Variants in TMEM275 observed in about 807,000 individuals in gnomAD.
TMEM275 encodes the protein transmembrane protein 275.
At chr1:46,532,235 T>G (rs1666676404) in exon 2 of TMEM275, 1 of 152,170 alleles carries the variant, frequency 6.6e-6, no homozygotes. Flanking sequence ...TCAGGGTGGG[T>G]GGGGGCCAGC....
In TMEM275 at chr1:46,533,455, C is replaced by G. The variant is rs1204575570; in HGVS notation, c.73G>C (p.Gly25Arg). Residue 25 changes from glycine to arginine, a missense_variant, in exon 2 of 2, where the codon GGC becomes CGC. Coordinates refer to ENST00000634804, the Ensembl canonical transcript of TMEM275. The surrounding 1 kb of genome is among the most constrained non-coding windows in gnomAD (Gnocchi z 4.4). The stretch of plus-strand genomic sequence containing the variant: ...CAGCACAGCGCCGGCGACGGCAGGC[C>G]GGGCACCCGGCCCCGGGCGCGTTCC... 5 of 385,230 alleles carry G rather than the reference C, an allele frequency of 1.3e-5. No homozygotes were observed. Among genetic ancestry groups the G allele is most frequent in the Non-Finnish European group, 2.3e-5 (5 of 217,466 alleles). 23.9% of individuals were successfully genotyped at this position (385,230 alleles called of 1,614,324 possible).
At chr1:46,535,183 G>C (rs1251337725) in intron 1 of TMEM275, among the ~76,000 whole-genome samples, 1 of 152,204 alleles carries the variant, frequency 6.6e-6, no homozygotes, top group African/African-American at 2.4e-5. Flanking sequence ...ATGAAGGCTA[G>C]TGTCAGATCC....
rs1236795061 is a variant in TMEM275, at chr1:46,533,682, C to T, written c.-123-32G>A. 2 of 368,586 alleles carry T rather than the reference C, an allele frequency of 5.4e-6. No individual in the cohort carries two copies. The highest frequency in any genetic ancestry group is 4.2e-5 in the African/African-American group (2 of 47,344). The allele number at this position is 368,586 out of a possible 1,614,324, so 22.8% of individuals were successfully genotyped here. On this transcript the variant is annotated intron_variant, in intron 1 of 1. Coordinates refer to ENST00000634804, the Ensembl canonical transcript of TMEM275. This position sits in a 1 kb window ranked among gnomAD's most constrained non-coding sequence, Gnocchi z 4.4. ...GCACACAGCAAGAGGGCGGCGTCAGCAGGGTATCTTGACCTCCAGTCCTAG... is the reference window on the plus strand; with the variant it reads ...GCACACAGCAAGAGGGCGGCGTCAGTAGGGTATCTTGACCTCCAGTCCTAG...
At chr1:46,535,184 T>C (rs149065221) in intron 1 of TMEM275, among the ~76,000 whole-genome samples, 2 of 152,268 alleles carry the variant, frequency 1.3e-5, no homozygotes, top group African/African-American at 4.8e-5. Context: ...TGAAGGCTAG[T>C]GTCAGATCCT....
chr1:46,532,320 C>T, exon 2 of TMEM275: 1 of 152,420 alleles, frequency 6.6e-6, no homozygotes, highest in Non-Finnish European at 1.5e-5. Context: ...CTGTCAGGGC[C>T]CCAGTCTCAG....
chr1:46,533,333 C>T lies in TMEM275; in HGVS notation c.195G>A (p.Val65=). The change falls in exon 2 of 2, where the codon GTG becomes GTA. Residue 65 remains valine (V), a synonymous_variant. Coordinates refer to ENST00000634804, the Ensembl canonical transcript of TMEM275. This position sits in a 1 kb window ranked among gnomAD's most constrained non-coding sequence, Gnocchi z 4.4. ...GCGCCAGCACCAGCAGCGCCAGCCC[C>T]ACGACGAGCAGCGCGTTGTGCTCGG... is the stretch of plus-strand genomic sequence containing the variant. 5.3e-6 allele frequency: 2 copies of T among 373,848 alleles called. No individual in the cohort carries two copies. Among genetic ancestry groups the T allele is most frequent in the Non-Finnish European group, 9.5e-6 (2 of 210,082 alleles). The allele number at this position is 373,848 out of a possible 1,614,324, so 23.2% of individuals were successfully genotyped here.
At chr1:46,534,349 G>C (rs1398366346) in intron 1 of TMEM275, among the ~76,000 whole-genome samples, 106 bp downstream of exon 2, 2 of 152,152 alleles carry the variant, frequency 1.3e-5, no homozygotes, top group Non-Finnish European at 2.9e-5. Context: ...TGGTTCAGAC[G>C]GTCAGTGAGA....
rs1261991246 is a variant in TMEM275, at chr1:46,533,222, C to T, written c.306G>A (p.Gln102=). ...CCACGGGCCCGGCGCGGCCGCCACC[C>T]TGGCCCGGGCCCGCCGCGGCCGCCG... Residue 102 remains glutamine, a synonymous_variant, in exon 2 of 2, where the codon CAG becomes CAA. Transcript: ENST00000634804. This position sits in a 1 kb window ranked among gnomAD's most constrained non-coding sequence, Gnocchi z 4.4. 3.0e-6 allele frequency: 1 copy of T among 336,294 alleles called. No individual in the cohort carries two copies. The highest frequency in any genetic ancestry group is 5.3e-6 in the Non-Finnish European group (1 of 189,504). 20.8% of individuals were successfully genotyped at this position (336,294 alleles called of 1,614,324 possible). A position where few individuals can be genotyped will look rare whatever the true frequency, so the allele number is the denominator to read the frequency against.
rs975859185 is a variant in TMEM275, at chr1:46,533,730, G to C, written c.-123-80C>G. The C allele has an allele frequency of 5.5e-6, 2 of 362,286 alleles. No homozygotes were observed. Among genetic ancestry groups the C allele is most frequent in the African/African-American group, 2.1e-5 (1 of 47,194 alleles). 22.4% of individuals were successfully genotyped at this position (362,286 alleles called of 1,614,324 possible). A position where few individuals can be genotyped will look rare whatever the true frequency, so the allele number is the denominator to read the frequency against. On this transcript the variant is annotated intron_variant, in intron 1 of 1. Coordinates refer to ENST00000634804, the Ensembl canonical transcript of TMEM275. The surrounding 1 kb of genome is among the most constrained non-coding windows in gnomAD (Gnocchi z 4.4). ...TAGGCTCCGTCTGTAGCTACACTGA[G>C]TGCCTGGGTGGGCAGAGGTCATCTT...
rs2148500083 is a variant in TMEM275, at chr1:46,533,072, G to A, written c.456C>T (p.Ala152=). 5.1e-6 allele frequency: 2 copies of A among 394,626 alleles called. No individual in the cohort carries two copies. The highest frequency in any genetic ancestry group is 8.9e-6 in the Non-Finnish European group (2 of 223,554). The allele number at this position is 394,626 out of a possible 1,614,324, so 24.4% of individuals were successfully genotyped here. The change falls in exon 2 of 2, where the codon GCC becomes GCT. Residue 152 remains alanine (A), a synonymous_variant. Coordinates refer to ENST00000634804, the Ensembl canonical transcript of TMEM275. The surrounding 1 kb of genome is among the most constrained non-coding windows in gnomAD (Gnocchi z 4.4). ...GCGCGCAGACGGCCGCGGGCGCCGG[G>A]GCCTCCAGGGCGAGGGGGCTGGGGC...
intron 1 of TMEM275, among the ~76,000 whole-genome samples, 114 bp downstream of exon 2, chr1:46,534,341 G>C (rs553470255): frequency 5.9e-5 from 9 of 152,288 alleles, no homozygotes; most frequent in Admixed American, 3.9e-4. Context: ...GCTCCTGATG[G>C]TTCAGACGGT....
At chr1:46,534,385 T>C (rs1430536735) in intron 1 of TMEM275, among the ~76,000 whole-genome samples, 70 bp downstream of exon 2, 2 of 152,156 alleles carry the variant, frequency 1.3e-5, no homozygotes, top group African/African-American at 4.8e-5. Flanking sequence ...ATCGGCTGGC[T>C]TGGGCTGGAG....
chr1:46,533,201 G>T lies in TMEM275; in HGVS notation c.327C>A (p.Pro109=), dbSNP rs529268189. 535 of 367,460 alleles carry T rather than the reference G, an allele frequency of 1.5e-3. 4 individuals carry two copies. The highest frequency in any genetic ancestry group is 0.011 in the African/African-American group (501 of 47,250). 22.8% of individuals were successfully genotyped at this position (367,460 alleles called of 1,614,324 possible). ...CGCTGCTCTCCATCTCCAGCGCCACGGGCCCGGCGCGGCCGCCACCCTGGC... is the reference window on the plus strand; with the variant it reads ...CGCTGCTCTCCATCTCCAGCGCCACTGGCCCGGCGCGGCCGCCACCCTGGC... The change falls in exon 2 of 2, where the codon CCC becomes CCA. Residue 109 remains proline, a synonymous_variant. Transcript: ENST00000634804. This position sits in a 1 kb window ranked among gnomAD's most constrained non-coding sequence, Gnocchi z 4.4.
Position 46,533,464 on chromosome 1 carries a change from G to A in TMEM275, c.64C>T (p.Arg22Trp). 1 of 386,940 alleles carries A rather than the reference G, an allele frequency of 2.6e-6. No individual in the cohort carries two copies. The highest frequency in any genetic ancestry group is 4.6e-6 in the Non-Finnish European group (1 of 218,444). 24.0% of individuals were successfully genotyped at this position (386,940 alleles called of 1,614,324 possible). ...GCCGGCGACGGCAGGCCGGGCACCC[G>A]GCCCCGGGCGCGTTCCGCGGGCGCC... The change falls in exon 2 of 2, where the codon CGG becomes TGG. Residue 22 changes from arginine (R) to tryptophan (W), a missense_variant. Physicochemically the swap from Arg to Trp is moderately radical, Grantham distance 101. Transcript: ENST00000634804. The surrounding 1 kb of genome is among the most constrained non-coding windows in gnomAD (Gnocchi z 4.4).
rs528989149 is a variant in TMEM275 at position 46,534,021 on chromosome 1, C to G, written c.-123-371G>C. Among the ~76,000 whole-genome samples, 1 of 152,246 alleles carries G rather than the reference C, an allele frequency of 6.6e-6. No individual in the cohort carries two copies. Among genetic ancestry groups the G allele is most frequent in the South Asian group, 2.1e-4 (1 of 4,820 alleles). ...GCTTAGGTGCTCATCACATGATAAT[C>G]ATCGTCTTCAGTAGTCCTAACTAGT... On this transcript the variant is annotated intron_variant, in intron 1 of 1. An upstream start codon of the reference 5' UTR is lost. Coordinates refer to ENST00000634804, the Ensembl canonical transcript of TMEM275.
chr1:46,533,606 A>AC lies in TMEM275; in HGVS notation c.-80dup. On this transcript the variant is annotated 5_prime_UTR_variant, in exon 2 of 2. Transcript: ENST00000634804. This position sits in a 1 kb window ranked among gnomAD's most constrained non-coding sequence, Gnocchi z 4.4. ...CAGCCCAACTGCCAGGAGCCTCCTC[A>AC]CGCTGGTCCTGTGGGCAACTGCCAG... 2.7e-6 allele frequency: 1 copy of AC among 372,732 alleles called. No individual in the cohort carries two copies. Among genetic ancestry groups the AC allele is most frequent in the Non-Finnish European group, 4.8e-6 (1 of 210,212 alleles). 23.1% of individuals were successfully genotyped at this position (372,732 alleles called of 1,614,324 possible). A position where few individuals can be genotyped will look rare whatever the true frequency, so the allele number is the denominator to read the frequency against.
At chr1:46,534,855 G>A (rs1307178857) in intron 1 of TMEM275, among the ~76,000 whole-genome samples, 7 of 152,138 alleles carry the variant, frequency 4.6e-5, no homozygotes, top group African/African-American at 1.7e-4. Flanking sequence ...GACCTTCACA[G>A]GGGGCCTGAC....
exon 2 of TMEM275, chr1:46,532,363 G>C (rs932891132): frequency 6.6e-6 from 1 of 152,292 alleles, no homozygotes; most frequent in African/African-American, 2.4e-5. Flanking sequence ...AGAAAGGGTG[G>C]GGAGTGCTCA....
intron 1 of TMEM275, among the ~76,000 whole-genome samples, 67 bp downstream of exon 1, chr1:46,535,044 A>C (rs1281562406): frequency 1.3e-5 from 2 of 152,218 alleles, no homozygotes; most frequent in Non-Finnish European, 2.9e-5. Context: ...TGAAGTCTCA[A>C]ATCTGGGAGG....
Sources: gnomAD v4.1 joint callset for allele counts (sites outside exome capture counted in the v4.1 genomes callset) on GRCh38, gnomAD v4.1.1 for gene constraint, Gnocchi (gnomAD v3.1) non-coding constraint, MANE v1.5 for transcripts, NCBI Gene and HGNC (gene_info 2026-07-23, HGNC 2026-07-21) for gene names.